Variants in GFI1B observed in about 807,000 individuals in gnomAD.
The protein encoded by GFI1B is growth factor independent 1B transcriptional repressor, also known as zinc finger protein Gfi-1b.
In GFI1B, 20 loss-of-function variants were observed where a neutral mutation model predicts 35.3. The ratio of observed to expected loss-of-function variants is 0.57; its 90% CI spans 0.40 to 0.82. The LOEUF (loss-of-function observed/expected upper bound fraction) is 0.82. Ranked by LOEUF, GFI1B falls within the 40% of genes least tolerant of loss-of-function variation. The pLI is 0.00. For missense variants in GFI1B, 430 were observed against 446.3 expected (o/e 0.96, Z 0.33); for synonymous variants, 178 against 177.6 (o/e 1.00, Z -0.02).
intron 1 of GFI1B, among the ~76,000 whole-genome samples, chr9:132,959,814 C>G (rs929172330): frequency 2.6e-5 from 4 of 152,194 alleles, no homozygotes; most frequent in African/African-American, 9.7e-5. Context: ...TCTCTGCCTC[C>G]ATCTTCATGC....
At position 132,989,999 on chromosome 9, in the gene GFI1B, G is replaced by A; in HGVS notation, c.814+92G>A. On this transcript the variant is annotated intron_variant, in intron 6 of 6. Transcript: ENST00000372122. This position sits in a 1 kb window ranked among gnomAD's most constrained non-coding sequence, Gnocchi z 6.2. ...CAGAGGCCCCCAGCGTGAGGCTGGG[G>A]GCGGGGTCTAGTTACAAAGTCAAAG... 2 of 1,174,900 alleles carry A rather than the reference G, an allele frequency of 1.7e-6. No individual in the cohort carries two copies. Among genetic ancestry groups the A allele is most frequent in the Non-Finnish European group, 2.5e-6 (2 of 798,876 alleles). The allele number at this position is 1,174,900 out of a possible 1,614,324, so 72.8% of individuals were successfully genotyped here. A position where few individuals can be genotyped will look rare whatever the true frequency, so the allele number is the denominator to read the frequency against.
upstream of GFI1B, among the ~76,000 whole-genome samples, chr9:132,977,766 C>T (rs892029217): frequency 2.0e-5 from 3 of 152,114 alleles, no homozygotes; most frequent in African/African-American, 7.2e-5. Context: ...CCTCACTCCC[C>T]CCAGCATCAA....
intron 1 of GFI1B, among the ~76,000 whole-genome samples, chr9:132,948,348 G>T (rs1260381596): frequency 6.6e-6 from 1 of 152,198 alleles, no homozygotes; most frequent in Non-Finnish European, 1.5e-5. Flanking sequence ...AATTCATGCT[G>T]CTATCTCCTG....
intron 4 of GFI1B, 124 bp downstream of exon 4, chr9:132,988,592 A>G: frequency 1.1e-6 from 1 of 903,774 alleles, no homozygotes; most frequent in Non-Finnish European, 1.7e-6. Context: ...TAAGGATTCA[A>G]AACGTTCATC....
intron 1 of GFI1B, among the ~76,000 whole-genome samples, chr9:132,950,177 T>C (rs959875945): frequency 3.3e-5 from 5 of 152,204 alleles, no homozygotes; most frequent in Non-Finnish European, 7.3e-5. Flanking sequence ...TGTTCGCTTC[T>C]GTTCCTGACA....
intron 1 of GFI1B, among the ~76,000 whole-genome samples, chr9:132,954,835 C>T (rs1386100439): frequency 2.0e-5 from 3 of 151,784 alleles, no homozygotes; most frequent in African/African-American, 7.3e-5. Context: ...TCTTCTGACT[C>T]AGCCTCCCGA....
upstream of GFI1B, among the ~76,000 whole-genome samples, chr9:132,976,877 G>A (rs962284492): frequency 6.6e-6 from 1 of 152,182 alleles, no homozygotes; most frequent in Non-Finnish European, 1.5e-5. Context: ...GGGAGGTCGA[G>A]GCTGCAGTGA....
At chr9:132,992,108 GTC>G (rs1461130075), downstream of GFI1B, among the ~76,000 whole-genome samples, 4 of 152,142 alleles carry the variant, frequency 2.6e-5, no homozygotes, top group Non-Finnish European at 5.9e-5. Context: ...CTGTTTTCCT[GTC>G]TCTCACCTTC....
Position 132,989,987 on chromosome 9 carries a change from C to A in GFI1B, c.814+80C>A, listed in dbSNP as rs1422091856. The stretch of plus-strand genomic sequence containing the variant: ...TGAGAGATGCATCAGAGGCCCCCAG[C>A]GTGAGGCTGGGGGCGGGGTCTAGTT... On this transcript the variant is annotated intron_variant, in intron 6 of 6. Transcript: ENST00000372122. This position sits in a 1 kb window ranked among gnomAD's most constrained non-coding sequence, Gnocchi z 6.2. The A allele has an allele frequency of 6.2e-6, 8 of 1,287,222 alleles. No individual in the cohort carries two copies. The East Asian group carries it at 1.9e-4, about 31-fold the overall frequency. 79.7% of individuals were successfully genotyped at this position (1,287,222 alleles called of 1,614,324 possible).
chr9:132,959,004 A>G (rs914226758), intron 1 of GFI1B, among the ~76,000 whole-genome samples: 1 of 152,138 alleles, frequency 6.6e-6, no homozygotes, highest in Non-Finnish European at 1.5e-5. Flanking sequence ...TCTGCAAACA[A>G]GATGTGTGGT....
upstream of GFI1B, among the ~76,000 whole-genome samples, chr9:132,977,356 C>G (rs1848661872): frequency 6.6e-6 from 1 of 152,098 alleles, no homozygotes; most frequent in Non-Finnish European, 1.5e-5. Context: ...GGGACTGACA[C>G]CCCAGCATTA....
intron 1 of GFI1B, among the ~76,000 whole-genome samples, chr9:132,961,880 C>A (rs981873584): frequency 2.0e-5 from 3 of 151,936 alleles, no homozygotes; most frequent in Non-Finnish European, 4.4e-5. Flanking sequence ...TGAGAGCCAC[C>A]GCACCCGGCC....
At chr9:132,984,831 C>T (rs567664574) in intron 1 of GFI1B, among the ~76,000 whole-genome samples, 10 of 152,222 alleles carry the variant, frequency 6.6e-5, no homozygotes, top group Admixed American at 5.2e-4. Context: ...CAGGGGGAAG[C>T]AGGCCTGGGC....
intron 1 of GFI1B, 125 bp from the exon 2 acceptor site, chr9:132,986,534 A>G: frequency 1.4e-6 from 1 of 693,914 alleles, no homozygotes; most frequent in Non-Finnish European, 2.7e-6. Flanking sequence ...CTGGGTGGAC[A>G]TGAACTTTGG....
chr9:132,953,866 G>A (rs1848239993), intron 1 of GFI1B: 1 of 152,130 alleles, frequency 6.6e-6, no homozygotes, highest in South Asian at 2.1e-4. Context: ...AACCCGGGAG[G>A]TGGAGGTTGT....
rs369115365 is a variant in GFI1B, at chr9:132,985,077, G to T, written c.-20-1582G>T. 1.4e-4 allele frequency among the ~76,000 whole-genome samples: 22 copies of T among 152,094 alleles called. 1 individual carries two copies. The highest frequency in any genetic ancestry group is 4.1e-4 in the African/African-American group (17 of 41,402). ...TGGCGGCTGGCCCAAGGGGTGGGGG[G>T]GTGGGACTCCTCTGACGCCTCAGGC... On this transcript the variant is annotated intron_variant, in intron 1 of 6. Coordinates refer to ENST00000372122, the MANE Select transcript of GFI1B (RefSeq NM_001377304.1).
intron 1 of GFI1B, chr9:132,951,336 C>T (rs916599094): frequency 1.3e-5 from 2 of 152,204 alleles, no homozygotes; most frequent in African/African-American, 4.8e-5. Flanking sequence ...CCACTCCCAG[C>T]CCGTGACTGG....
rs751873363 is a variant in GFI1B at position 132,989,948 on chromosome 9, C to T, written c.814+41C>T. The stretch of plus-strand genomic sequence containing the variant: ...CTGCCTGTGCCCCCTGGGCAGAGCA[C>T]CCCCACCTTTCCCTGAGAGATGCAT... On this transcript the variant is annotated intron_variant, in intron 6 of 6. Coordinates refer to ENST00000372122, the MANE Select transcript of GFI1B (RefSeq NM_001377304.1). This position sits in a 1 kb window ranked among gnomAD's most constrained non-coding sequence, Gnocchi z 6.2. The T allele has an allele frequency of 6.4e-7, 1 of 1,570,332 alleles. No homozygotes were observed. Among genetic ancestry groups the T allele is most frequent in the Non-Finnish European group, 8.8e-7 (1 of 1,140,816 alleles).
intron 1 of GFI1B, among the ~76,000 whole-genome samples, chr9:132,955,368 C>A (rs188945530): frequency 1.4e-4 from 22 of 152,258 alleles, no homozygotes; most frequent in African/African-American, 4.8e-4. Flanking sequence ...TAGCTCACTG[C>A]AACCTCAAAG....
Sources: allele counts gnomAD v4.1 joint callset (sites outside exome capture counted in the v4.1 genomes callset), GRCh38; gene constraint gnomAD v4.1.1; non-coding constraint Gnocchi (gnomAD v3.1); transcripts MANE v1.5; gene names NCBI Gene and HGNC (gene_info 2026-07-23, HGNC 2026-07-21).